SERGEF: variants seen among roughly 807,000 people sequenced by gnomAD.
The protein encoded by SERGEF is secretion regulating guanine nucleotide exchange factor.
A neutral mutation model predicts 50.0 loss-of-function variants in SERGEF; 51 were observed. The observed-to-expected ratio is 1.02, with a 90% confidence interval of 0.81 to 1.29. The LOEUF is 1.29. Ranked by LOEUF, SERGEF falls within the 50% of genes most tolerant of loss-of-function variation. SERGEF has a pLI of 0.00. For missense variants in SERGEF, 521 were observed against 557.0 expected (o/e 0.94, Z 0.65); for synonymous variants, 205 against 212.4 (o/e 0.97, Z 0.30).
At chr11:17,973,048 G>C (rs1853285905) in intron 8 of SERGEF, among the ~76,000 whole-genome samples, 1 of 151,586 alleles carries the variant, frequency 6.6e-6, no homozygotes, top group African/African-American at 2.4e-5. Flanking sequence ...CCCAGCTGTT[G>C]ATGAGGCCGT....
intron 10 of SERGEF, chr11:17,846,560 G>C: frequency 2.6e-6 from 1 of 389,758 alleles, no homozygotes; most frequent in Non-Finnish European, 5.2e-6. Context: ...ACGGGGCAGA[G>C]GCAGAATGGT....
intron 9 of SERGEF, among the ~76,000 whole-genome samples, chr11:17,882,570 T>A (rs1314161284): frequency 6.6e-6 from 1 of 152,256 alleles, no homozygotes; most frequent in African/African-American, 2.4e-5. Flanking sequence ...TGATGTCTGA[T>A]CAGACTGTGC....
chr11:17,889,643 CATT>C (rs954133737), intron 9 of SERGEF, among the ~76,000 whole-genome samples: 3 of 152,058 alleles, frequency 2.0e-5, no homozygotes, highest in South Asian at 2.1e-4. Flanking sequence ...TAAAAGACAT[CATT>C]GAGACAACTG....
intron 10 of SERGEF, among the ~76,000 whole-genome samples, chr11:17,871,253 G>A (rs1353084303): frequency 6.6e-6 from 1 of 152,124 alleles, no homozygotes; most frequent in Non-Finnish European, 1.5e-5. Flanking sequence ...GAGGTCAGGA[G>A]ATAGAGACCA....
chr11:17,868,561 C>A (rs983899130), intron 10 of SERGEF, among the ~76,000 whole-genome samples: 7 of 152,152 alleles, frequency 4.6e-5, no homozygotes, highest in Admixed American at 1.3e-4. Flanking sequence ...TGTCTGTTAC[C>A]CAGTTCCAAA....
chr11:17,837,230 A>G (rs1850416651), intron 10 of SERGEF, among the ~76,000 whole-genome samples: 1 of 152,126 alleles, frequency 6.6e-6, no homozygotes, highest in African/African-American at 2.4e-5. Context: ...ATTGAGTACT[A>G]CAGCACTTAC....
At chr11:17,926,322 C>T (rs1852247545) in intron 9 of SERGEF, among the ~76,000 whole-genome samples, 1 of 152,002 alleles carries the variant, frequency 6.6e-6, no homozygotes, top group Admixed American at 6.6e-5. Flanking sequence ...AGGGCCTGAT[C>T]CTAAGAAGCT....
chr11:17,857,819 C>T (rs1850851026), intron 10 of SERGEF, among the ~76,000 whole-genome samples: 1 of 152,232 alleles, frequency 6.6e-6, no homozygotes, highest in African/African-American at 2.4e-5. Flanking sequence ...GCAGTAGGAA[C>T]TTCCATTAAT....
intron 9 of SERGEF, among the ~76,000 whole-genome samples, chr11:17,910,002 T>C (rs1283667117): frequency 6.6e-6 from 1 of 152,168 alleles, no homozygotes; most frequent in African/African-American, 2.4e-5. Flanking sequence ...TCTCATGCAC[T>C]ATCATTCAGA....
rs984384678 is a variant in SERGEF, at chr11:18,001,229, T to C, written c.448-672A>G. ...GTCATGTCCTCTCTAAGACATCTTGTAGTGGTTTTAAAAATAGGTCCTCAA... is the reference window on the plus strand; with the variant it reads ...GTCATGTCCTCTCTAAGACATCTTGCAGTGGTTTTAAAAATAGGTCCTCAA... On this transcript the variant is annotated intron_variant, in intron 4 of 10. Coordinates refer to ENST00000265965, the MANE Select transcript of SERGEF (RefSeq NM_012139.4). Among the ~76,000 whole-genome samples the C allele has an allele frequency of 2.6e-5, 4 of 152,340 alleles. No individual in the cohort carries two copies. In the East Asian group the frequency reaches 7.7e-4, roughly 29 times the overall value.
intron 10 of SERGEF, among the ~76,000 whole-genome samples, chr11:17,823,206 C>T (rs974132050): frequency 1.2e-4 from 19 of 152,180 alleles, no homozygotes; most frequent in Admixed American, 2.6e-4. Context: ...TGATGTTTTA[C>T]TCATAGTTAG....
At chr11:17,826,785 T>C (rs187732655) in intron 10 of SERGEF, among the ~76,000 whole-genome samples, 100 of 152,310 alleles carry the variant, frequency 6.6e-4, no homozygotes, top group Non-Finnish European at 1.0e-3. Context: ...ATAGAGAATA[T>C]GTGAAAGAAT....
At chr11:17,874,883 C>T (rs1851212964) in intron 10 of SERGEF, among the ~76,000 whole-genome samples, 1 of 151,588 alleles carries the variant, frequency 6.6e-6, no homozygotes, top group East Asian at 1.9e-4. Context: ...GAGATTCCTA[C>T]CCTGGCCTCA....
intron 10 of SERGEF, among the ~76,000 whole-genome samples, chr11:17,847,170 T>C (rs1426948456): frequency 6.6e-6 from 1 of 152,260 alleles, no homozygotes. Flanking sequence ...TGAATTCCAC[T>C]GCTTCACTGC....
chr11:17,801,714 C>T (rs1480524125), intron 10 of SERGEF, among the ~76,000 whole-genome samples: 1 of 152,098 alleles, frequency 6.6e-6, no homozygotes, highest in African/African-American at 2.4e-5. Context: ...AAATACAGAC[C>T]TCTGGTGAGC....
intron 8 of SERGEF, among the ~76,000 whole-genome samples, chr11:17,974,080 G>A (rs1853314868): frequency 6.6e-6 from 1 of 152,154 alleles, no homozygotes; most frequent in Non-Finnish European, 1.5e-5. Flanking sequence ...CTTGTCTAGA[G>A]GTCCATGGCC....
chr11:17,806,340 T>TAAA (rs1184068449), intron 10 of SERGEF, among the ~76,000 whole-genome samples: 1 of 152,242 alleles, frequency 6.6e-6, no homozygotes, highest in East Asian at 1.9e-4. Flanking sequence ...AACTAACATT[T>TAAA]AATAATGAAC....
At position 17,991,829 on chromosome 11, in the gene SERGEF, T is replaced by C. The variant is rs1319562261; in HGVS notation, c.685+1102A>G. 6.6e-6 allele frequency among the ~76,000 whole-genome samples: 1 copy of C among 152,218 alleles called. No individual in the cohort carries two copies. The highest frequency in any genetic ancestry group is 1.5e-5 in the Non-Finnish European group (1 of 68,046). ...TGATGTCGAAGAATGCATACCACCA[T>C]TAATTTACATATATTATGGGCACAC... On this transcript the variant is annotated intron_variant, in intron 7 of 10. Coordinates refer to ENST00000265965, the MANE Select transcript of SERGEF (RefSeq NM_012139.4). This position sits in a 1 kb window ranked among gnomAD's most constrained non-coding sequence, Gnocchi z 4.9.
chr11:17,911,636 C>T (rs1475080687), intron 9 of SERGEF, among the ~76,000 whole-genome samples: 1 of 151,752 alleles, frequency 6.6e-6, no homozygotes, highest in Non-Finnish European at 1.5e-5. Context: ...TACAGGTGCG[C>T]ACCACCACAC....
Sources: gnomAD v4.1 joint callset for allele counts (sites outside exome capture counted in the v4.1 genomes callset) on GRCh38, gnomAD v4.1.1 for gene constraint, Gnocchi (gnomAD v3.1) non-coding constraint, MANE v1.5 for transcripts, NCBI Gene and HGNC (gene_info 2026-07-23, HGNC 2026-07-21) for gene names.